ADGRL2: variants seen among roughly 807,000 people sequenced by gnomAD.
ADGRL2 encodes the protein adhesion G protein-coupled receptor L2.
Under a neutral mutation model 157.4 loss-of-function variants are expected in ADGRL2, and 44 were observed. The ratio of observed to expected loss-of-function variants is 0.28; its 90% CI spans 0.22 to 0.36. The LOEUF (loss-of-function observed/expected upper bound fraction) is 0.36, where lower values mean the gene tolerates loss of function less well. Among genes scored for constraint, ADGRL2 ranks in the 10% least tolerant of loss-of-function variants. ADGRL2 has a pLI of 1.00. For synonymous variants in ADGRL2, 585 were observed against 624.7 expected (o/e 0.94, Z 0.95); for missense variants, 1,510 against 1,768.9 (o/e 0.85, Z 2.63).
chr1:81,894,680 G>C (rs2094342833), intron 2 of ADGRL2, among the ~76,000 whole-genome samples: 1 of 151,652 alleles, frequency 6.6e-6, no homozygotes, highest in Admixed American at 6.6e-5. Context: ...AAAAAACTTT[G>C]ATTGTATAAG....
At chr1:81,913,148 A>G (rs1262779241) in intron 3 of ADGRL2, among the ~76,000 whole-genome samples, 2 of 152,184 alleles carry the variant, frequency 1.3e-5, no homozygotes, top group Non-Finnish European at 2.9e-5. Context: ...TCTATACCCC[A>G]TTCGGTAACT....
At chr1:81,658,717 T>C (rs2148870200) in intron 3 of ADGRL2, among the ~76,000 whole-genome samples, 1 of 152,284 alleles carries the variant, frequency 6.6e-6, no homozygotes, top group African/African-American at 2.4e-5. Flanking sequence ...TTCCTACTGT[T>C]AATATGCAAC....
Position 81,940,294 on chromosome 1 carries a change from C to G in ADGRL2, c.398-1740C>G, listed in dbSNP as rs1367859266. Among the ~76,000 whole-genome samples, 8 of 151,580 alleles carry G rather than the reference C, an allele frequency of 5.3e-5. No homozygotes were observed. In the East Asian group the frequency reaches 1.5e-3, roughly 29 times the overall value. ...GTATATAAATTGTAGTTTGAGTAGTCACAACGCTAATGATTTCTCTTATCC... is the reference window on the plus strand; with the variant it reads ...GTATATAAATTGTAGTTTGAGTAGTGACAACGCTAATGATTTCTCTTATCC... On this transcript the variant is annotated intron_variant, in intron 4 of 23. Coordinates refer to ENST00000686636, the MANE Select transcript of ADGRL2 (RefSeq NM_001366006.2).
At chr1:81,878,756 A>G (rs2093907550) in intron 2 of ADGRL2, among the ~76,000 whole-genome samples, 1 of 152,208 alleles carries the variant, frequency 6.6e-6, no homozygotes, top group Non-Finnish European at 1.5e-5. Context: ...GCTAAAAGCT[A>G]GAGTAAATGG....
intron 1 of ADGRL2, among the ~76,000 whole-genome samples, chr1:81,436,386 A>G (rs1263516922): frequency 6.6e-6 from 1 of 152,212 alleles, no homozygotes; most frequent in Non-Finnish European, 1.5e-5. Flanking sequence ...TCTATCTAAC[A>G]TACCTGACAA....
intron 2 of ADGRL2, among the ~76,000 whole-genome samples, chr1:81,872,910 GA>G (rs924631592): frequency 6.6e-6 from 1 of 152,052 alleles, no homozygotes; most frequent in African/African-American, 2.4e-5. Context: ...ATGAATATCA[GA>G]AGCACTTACA....
chr1:81,912,130 G>A (rs1288969748), intron 3 of ADGRL2, among the ~76,000 whole-genome samples: 2 of 151,570 alleles, frequency 1.3e-5, no homozygotes, highest in Admixed American at 6.6e-5. Flanking sequence ...GGAGTGCAGT[G>A]GCATGATCTC....
At chr1:81,456,872 C>A (rs1170269532) in intron 2 of ADGRL2, among the ~76,000 whole-genome samples, 1 of 151,962 alleles carries the variant, frequency 6.6e-6, no homozygotes, top group Non-Finnish European at 1.5e-5. Flanking sequence ...TCTTTGCTCT[C>A]TTCCTCTCTT....
In ADGRL2 at chr1:81,936,791, T is replaced by C; in HGVS notation, c.351T>C (p.Pro117=). ...CAGATGTGTTTCCTGATCCATGTCC[T>C]GGAACATACAAATACCTTGAAGTCC... ...TGSDVFPDPC[P]GTYKYLEVQY... Residue 117 remains proline, a synonymous_variant, in exon 4 of 24, where the codon CCT becomes CCC. Coordinates refer to ENST00000686636, the MANE Select transcript of ADGRL2 (RefSeq NM_001366006.2). The C allele has an allele frequency of 1.2e-6, 2 of 1,612,156 alleles. No individual in the cohort carries two copies. The highest frequency in any genetic ancestry group is 8.5e-7 in the Non-Finnish European group (1 of 1,178,458).
chr1:81,980,105 T>C, intron 18 of ADGRL2, 145 bp downstream of exon 18: 1 of 579,832 alleles, frequency 1.7e-6, no homozygotes. Context: ...ATCTCAGTGT[T>C]ACTATATCAC....
chr1:81,779,299 G>T (rs781062959), intron 2 of ADGRL2, among the ~76,000 whole-genome samples: 1 of 152,170 alleles, frequency 6.6e-6, no homozygotes, highest in Non-Finnish European at 1.5e-5. Flanking sequence ...CTCTTAGAAA[G>T]GGTGGTCAGG....
intron 3 of ADGRL2, among the ~76,000 whole-genome samples, chr1:81,915,223 A>G (rs956993301): frequency 9.2e-5 from 14 of 151,940 alleles, no homozygotes; most frequent in African/African-American, 3.4e-4. Flanking sequence ...CTACAGGTGC[A>G]TGCCACCACA....
At chr1:81,573,627 T>G (rs1291598914) in intron 2 of ADGRL2, among the ~76,000 whole-genome samples, 1 of 152,176 alleles carries the variant, frequency 6.6e-6, no homozygotes, top group East Asian at 1.9e-4. Context: ...CAGACTGACC[T>G]CTGATTTCCC....
intron 2 of ADGRL2, among the ~76,000 whole-genome samples, chr1:81,482,760 C>T (rs1270724002): frequency 6.6e-6 from 1 of 151,778 alleles, no homozygotes; most frequent in African/African-American, 2.4e-5. Flanking sequence ...GGTTATCATT[C>T]TGTCTTATAC....
At chr1:81,615,257 C>T (rs2081619608) in intron 3 of ADGRL2, among the ~76,000 whole-genome samples, 1 of 152,148 alleles carries the variant, frequency 6.6e-6, no homozygotes, top group Non-Finnish European at 1.5e-5. Context: ...GACCAATCAG[C>T]ACTCTGTAAA....
chr1:81,581,779 A>G (rs1252375740), intron 3 of ADGRL2, among the ~76,000 whole-genome samples: 1 of 152,060 alleles, frequency 6.6e-6, no homozygotes, highest in African/African-American at 2.4e-5. Flanking sequence ...TTTAAACCAA[A>G]TTGCCTACAA....
At chr1:81,759,029 AT>A (rs1158782969) in intron 1 of ADGRL2, among the ~76,000 whole-genome samples, 1 of 152,148 alleles carries the variant, frequency 6.6e-6, no homozygotes, top group Non-Finnish European at 1.5e-5. Flanking sequence ...CAATAACCAC[AT>A]TTTGAATACA....
chr1:81,890,338 A>G (rs946864785), intron 2 of ADGRL2, among the ~76,000 whole-genome samples: 4 of 152,214 alleles, frequency 2.6e-5, no homozygotes, highest in Admixed American at 2.6e-4. Flanking sequence ...TAAATAAATT[A>G]TATGGAAAAA....
intron 1 of ADGRL2, among the ~76,000 whole-genome samples, chr1:81,317,769 T>C (rs1660214925): frequency 6.6e-6 from 1 of 152,232 alleles, no homozygotes; most frequent in Admixed American, 6.5e-5. Context: ...AGGGGGTCTG[T>C]CTGCATATTT....
Sources: allele counts gnomAD v4.1 joint callset (sites outside exome capture counted in the v4.1 genomes callset), GRCh38; gene constraint gnomAD v4.1.1; transcripts MANE v1.5; gene names NCBI Gene and HGNC (gene_info 2026-07-23, HGNC 2026-07-21).